Variants in LUZP4 observed in about 807,000 individuals in gnomAD.
The protein encoded by LUZP4 is leucine zipper protein 4.
Under a neutral mutation model 8.5 loss-of-function variants are expected in LUZP4, and 11 were observed. The ratio of observed to expected loss-of-function variants is 1.30; its 90% CI spans 0.82 to 2.14. The LOEUF (loss-of-function observed/expected upper bound fraction) is 2.14, where lower values mean the gene tolerates loss of function less well. Ranked by LOEUF, LUZP4 falls within the 30% of genes most tolerant of loss-of-function variation. The probability of loss-of-function intolerance (pLI) is 0.00; values close to 1 mark genes in which losing one functional copy is unlikely to be tolerated. For missense variants in LUZP4, 276 were observed against 229.7 expected (o/e 1.20, Z -1.30); for synonymous variants, 104 against 79.4 (o/e 1.31, Z -1.65).
chrX:115,297,458 A>G (rs1256649241), intron 1 of LUZP4, among the ~76,000 whole-genome samples: 1 of 111,760 alleles, frequency 8.9e-6, no homozygotes, highest in Non-Finnish European at 1.9e-5. Flanking sequence ...GGTGTTGATG[A>G]AATCCCTCAG....
chrX:115,302,077 G>A lies in LUZP4; in HGVS notation c.177G>A (p.Ser59=), dbSNP rs921897848. ...NKRQNHSKKE[S]PSRQQSKAHR... ...GACAGAACCATAGTAAAAAGGAATC[G>A]CCTTCAAGACAGCAATCAAAAGCTC... Residue 59 remains serine (S), a synonymous_variant, in exon 2 of 4, where the codon TCG becomes TCA. Coordinates refer to ENST00000371920, the MANE Select transcript of LUZP4 (RefSeq NM_016383.5). 10 of 1,195,631 alleles carry A rather than the reference G, an allele frequency of 8.4e-6. No homozygotes were observed. The highest frequency in any genetic ancestry group is 1.1e-5 in the Non-Finnish European group (10 of 887,978).
Position 115,307,294 on chromosome X carries a change from T to C in LUZP4, c.*490T>C, listed in dbSNP as rs1229205526. 1 of 126,379 alleles carries C rather than the reference T, an allele frequency of 7.9e-6. No individual in the cohort carries two copies. Among genetic ancestry groups the C allele is most frequent in the Non-Finnish European group, 1.7e-5 (1 of 60,235 alleles). 10.4% of individuals were successfully genotyped at this position (126,379 alleles called of 1,213,427 possible). A position where few individuals can be genotyped will look rare whatever the true frequency, so the allele number is the denominator to read the frequency against. On this transcript the variant is annotated 3_prime_UTR_variant, in exon 4 of 4. Coordinates refer to ENST00000371920, the MANE Select transcript of LUZP4 (RefSeq NM_016383.5). Reference sequence around the variant, plus strand: ...TTAGCAGACAAATGGTAGATGTATCTTTGGGCAGCTGAACTTTTCTGCTTT... The same window carrying C: ...TTAGCAGACAAATGGTAGATGTATCCTTGGGCAGCTGAACTTTTCTGCTTT...
At chrX:115,297,169 A>T (rs1556599384) in intron 1 of LUZP4, among the ~76,000 whole-genome samples, 15 of 111,853 alleles carry the variant, frequency 1.3e-4, no homozygotes. Flanking sequence ...TGTGCTATCA[A>T]ATAGTAGGTC....
At chrX:115,305,577 C>T (rs1260868301) in intron 3 of LUZP4, among the ~76,000 whole-genome samples, 3 of 111,933 alleles carry the variant, frequency 2.7e-5, no homozygotes, top group East Asian at 5.6e-4. Flanking sequence ...TCAAAGGTTT[C>T]GTTATTTCCA....
At chrX:115,294,906 C>G (rs1184951488) in intron 1 of LUZP4, among the ~76,000 whole-genome samples, 4 of 111,207 alleles carry the variant, frequency 3.6e-5, no homozygotes, top group Non-Finnish European at 7.5e-5. Flanking sequence ...ATCTTGAGGT[C>G]ACTGTTTTAT....
chrX:115,293,682 G>A (rs1353025931), intron 1 of LUZP4, among the ~76,000 whole-genome samples: 3 of 110,986 alleles, frequency 2.7e-5, no homozygotes, highest in African/African-American at 9.8e-5. Context: ...CGGGCGTGGT[G>A]GCTCACACCT....
In LUZP4 at chrX:115,306,746, A is replaced by G. The variant is rs782018018; in HGVS notation, c.884A>G (p.His295Arg). ...RDLINQSGRS[H>R]GQSERHQRYS... The stretch of plus-strand genomic sequence containing the variant: ...CTCATAAATCAGTCAGGGAGATCTC[A>G]TGGCCAATCAGAAAGACATCAGAGA... The change falls in exon 4 of 4, where the codon CAT (histidine) becomes CGT (arginine). Residue 295 changes from histidine (H) to arginine (R), a missense_variant. Physicochemically the swap from His to Arg is conservative, Grantham distance 29. Transcript: ENST00000371920. 3.2e-5 allele frequency: 39 copies of G among 1,207,374 alleles called. 1 individual carries two copies. The South Asian group carries it at 6.3e-4, about 20-fold the overall frequency.
At chrX:115,305,778 T>C (rs1255969590) in intron 3 of LUZP4, among the ~76,000 whole-genome samples, 2 of 112,255 alleles carry the variant, frequency 1.8e-5, no homozygotes, top group Admixed American at 9.5e-5. Context: ...AGATAGTTTC[T>C]TTTTAATCAT....
At chrX:115,289,961 G>C (rs1323779774) in intron 1 of LUZP4, 111 bp downstream of exon 1, 1 of 504,605 alleles carries the variant, frequency 2.0e-6, no homozygotes. Flanking sequence ...ACACCAGTTC[G>C]AGGAGAGGCT....
chrX:115,295,639 T>A (rs2073367644), intron 1 of LUZP4, among the ~76,000 whole-genome samples: 1 of 111,673 alleles, frequency 9.0e-6, no homozygotes, highest in South Asian at 3.8e-4. Context: ...TCTACAGATT[T>A]ATTTTTGTTT....
Position 115,303,380 on chromosome X carries a change from G to T in LUZP4, c.304G>T (p.Gly102Ter). The change falls in exon 3 of 4, where the codon GGA becomes TGA. Residue 102 changes from glycine (G) to a stop codon, truncating the protein, a stop_gained. Transcript: ENST00000371920. LOFTEE classifies it low-confidence loss of function (END_TRUNC). Reference protein sequence around the residue: ...PSQKPSGFKSGQHPLNGQPLI... With the variant: ...PSQKPSGFKS ...CCAAAAACCTTCTGGATTCAAGTCTGGACAACACCCTTTAAATGGGCAGCC... is the reference window on the plus strand; with the variant it reads ...CCAAAAACCTTCTGGATTCAAGTCTTGACAACACCCTTTAAATGGGCAGCC... The T allele has an allele frequency of 8.4e-7, 1 of 1,185,569 alleles. No individual in the cohort carries two copies. Among genetic ancestry groups the T allele is most frequent in the Non-Finnish European group, 1.1e-6 (1 of 881,357 alleles).
In LUZP4 at chrX:115,306,262, G is replaced by A. The variant is rs1384472327; in HGVS notation, c.400G>A (p.Gly134Arg). ...AGAGAAGAATCAAGGCCAGTCAGAG[G>A]GGAACCAGCATCAATCAGAAGGAAA... is the stretch of plus-strand genomic sequence containing the variant. Reference protein sequence around the residue: ...QAEKNQGQSEGNQHQSEGNPD... With the variant: ...QAEKNQGQSERNQHQSEGNPD... The change falls in exon 4 of 4, where the codon GGG becomes AGG. Residue 134 changes from glycine to arginine, a missense_variant. Transcript: ENST00000371920. 3 of 1,208,407 alleles carry A rather than the reference G, an allele frequency of 2.5e-6. No homozygotes were observed. Among genetic ancestry groups the A allele is most frequent in the Non-Finnish European group, 3.4e-6 (3 of 894,511 alleles).
At chrX:115,302,215 T>C in intron 2 of LUZP4, 92 bp downstream of exon 2, 1 of 858,042 alleles carries the variant, frequency 1.2e-6, no homozygotes, top group Non-Finnish European at 1.6e-6. Flanking sequence ...CACAATATTG[T>C]TCTAAAGTTG....
Position 115,302,060 on chromosome X carries a change from C to A in LUZP4, c.160C>A (p.His54Asn). The change falls in exon 2 of 4, where the codon CAT (histidine) becomes AAT (asparagine). Residue 54 changes from histidine (H) to asparagine (N), a missense_variant. Coordinates refer to ENST00000371920, the MANE Select transcript of LUZP4 (RefSeq NM_016383.5). Reference sequence around the variant, plus strand: ...AGAAGAAAAGAATAAAAGACAGAACCATAGTAAAAAGGAATCGCCTTCAAG... The same window carrying A: ...AGAAGAAAAGAATAAAAGACAGAACAATAGTAAAAAGGAATCGCCTTCAAG... ...AEEEKNKRQNHSKKESPSRQQ... is the reference protein window; with the variant it reads ...AEEEKNKRQNNSKKESPSRQQ... 8.4e-7 allele frequency: 1 copy of A among 1,189,441 alleles called. No homozygotes were observed. Among genetic ancestry groups the A allele is most frequent in the Non-Finnish European group, 1.1e-6 (1 of 881,551 alleles).
chrX:115,303,550 A>G (rs1333736070), intron 3 of LUZP4, 132 bp downstream of exon 3: 2 of 287,849 alleles, frequency 6.9e-6, no homozygotes, highest in Admixed American at 5.4e-5. Flanking sequence ...TGCCTTGAAC[A>G]TATTTTAAAT....
chrX:115,297,882 C>T (rs781793224), intron 1 of LUZP4, among the ~76,000 whole-genome samples: 6 of 109,040 alleles, frequency 5.5e-5, no homozygotes, highest in Non-Finnish European at 1.1e-4. Context: ...AATCTCGGCT[C>T]ACTGCAACCT....
intron 1 of LUZP4, among the ~76,000 whole-genome samples, chrX:115,300,216 G>GC (rs1439848740): frequency 1.2e-4 from 13 of 111,039 alleles, no homozygotes; most frequent in South Asian, 3.8e-4. Context: ...ATGTCATGTG[G>GC]CCCCCCCAGT....
intron 1 of LUZP4, among the ~76,000 whole-genome samples, chrX:115,291,917 A>T (rs782352780): frequency 5.5e-5 from 6 of 108,704 alleles, no homozygotes; most frequent in Non-Finnish European, 1.1e-4. Flanking sequence ...GTGAGACTTC[A>T]TCTCAGAAAA....
intron 2 of LUZP4, 152 bp from the exon 3 acceptor site, chrX:115,303,148 G>A (rs781798456): frequency 1.6e-5 from 5 of 314,614 alleles, no homozygotes; most frequent in Non-Finnish European, 2.9e-5. Flanking sequence ...CTAGAATTCA[G>A]TGAGACTCCC....
Sources: gnomAD v4.1 joint callset for allele counts (sites outside exome capture counted in the v4.1 genomes callset) on GRCh38, gnomAD v4.1.1 for gene constraint, MANE v1.5 for transcripts, NCBI Gene and HGNC (gene_info 2026-07-23, HGNC 2026-07-21) for gene names.